SYNDIG1L: variants seen among roughly 807,000 people sequenced by gnomAD.
The protein encoded by SYNDIG1L is synapse differentiation inducing 1 like.
A neutral mutation model predicts 20.1 loss-of-function variants in SYNDIG1L; 13 were observed. That is an observed-to-expected ratio of 0.65 (90% CI 0.42 to 1.03). SYNDIG1L has a LOEUF of 1.03. Among genes scored for constraint, SYNDIG1L ranks in the 50% least tolerant of loss-of-function variants. SYNDIG1L has a pLI of 0.00. For synonymous variants in SYNDIG1L, 128 were observed against 129.3 expected, an observed-to-expected ratio of 0.99 and a Z score of 0.07; for missense variants, 294 against 305.1, an observed-to-expected ratio of 0.96 and a Z score of 0.27.
chr14:74,441,904 C>G, the SYNDIG1L span, among the ~76,000 whole-genome samples: 4 of 152,002 alleles, frequency 2.6e-5, no homozygotes, highest in East Asian at 7.7e-4. Flanking sequence ...AACTGGTGTC[C>G]TTAGAAAGCT....
intron 1 of SYNDIG1L, among the ~76,000 whole-genome samples, chr14:74,424,288 C>T (rs1489750938): frequency 2.0e-5 from 3 of 152,328 alleles, no homozygotes; most frequent in East Asian, 1.9e-4. Flanking sequence ...AATGGACCTG[C>T]CTGAGACAGC....
chr14:74,447,859 T>C, the SYNDIG1L span, among the ~76,000 whole-genome samples: 3 of 152,238 alleles, frequency 2.0e-5, no homozygotes, highest in East Asian at 1.9e-4. Context: ...ATGACAACAA[T>C]AGCATAAAGG....
the SYNDIG1L span, among the ~76,000 whole-genome samples, chr14:74,437,803 T>C: frequency 1.6e-4 from 25 of 152,252 alleles, no homozygotes; most frequent in Admixed American, 2.6e-4. Context: ...AAAAGCTGAG[T>C]CCAAGATGTC....
chr14:74,475,278 G>A, the SYNDIG1L span, among the ~76,000 whole-genome samples: 4 of 151,266 alleles, frequency 2.6e-5, no homozygotes, highest in Admixed American at 6.6e-5. Context: ...ACTGCACTGA[G>A]CACTTTGCAT....
rs999985588 is a variant in SYNDIG1L at position 74,408,072 on chromosome 14, G to T, written c.418-83C>A. The T allele has an allele frequency of 1.2e-5, 18 of 1,474,216 alleles. No homozygotes were observed. The African/African-American group carries it at 2.3e-4, about 19-fold the overall frequency. 91.3% of individuals were successfully genotyped at this position (1,474,216 alleles called of 1,614,324 possible). A position where few individuals can be genotyped will look rare whatever the true frequency, so the allele number is the denominator to read the frequency against. The stretch of plus-strand genomic sequence containing the variant: ...GGCAAGAGGTTTTTTAAAAGGCAAT[G>T]CCCAGTGGCCAGTGACATGGAGCAA... On this transcript the variant is annotated intron_variant, in intron 2 of 3. Coordinates refer to ENST00000331628, the MANE Select transcript of SYNDIG1L (RefSeq NM_001105579.2).
At chr14:74,464,219 CA>C in the SYNDIG1L span, among the ~76,000 whole-genome samples, 3 of 152,062 alleles carry the variant, frequency 2.0e-5, no homozygotes, top group Non-Finnish European at 4.4e-5. Flanking sequence ...GTGGCACAAT[CA>C]GGGGGAATAA....
At chr14:74,475,688 A>C in the SYNDIG1L span, among the ~76,000 whole-genome samples, 34,329 of 151,670 alleles carry the variant, frequency 0.23, 4,334 homozygotes, top group African/African-American at 0.33. Flanking sequence ...CAGCATCACA[A>C]ATCTCAGAAT....
intron 2 of SYNDIG1L, 41 bp from the exon 3 acceptor site, chr14:74,408,030 C>G (rs762431417): frequency 1.3e-6 from 2 of 1,557,872 alleles, no homozygotes; most frequent in Non-Finnish European, 1.7e-6. Context: ...CCAGGATCAG[C>G]CCAGCCCCAT....
chr14:74,449,403 A>T, the SYNDIG1L span, among the ~76,000 whole-genome samples: 2 of 140,816 alleles, frequency 1.4e-5, no homozygotes, highest in Non-Finnish European at 3.1e-5. Context: ...GGAGTTCAAG[A>T]CCAGCCTAGA....
chr14:74,434,665 G>C, the SYNDIG1L span, among the ~76,000 whole-genome samples: 2 of 152,028 alleles, frequency 1.3e-5, no homozygotes, highest in African/African-American at 4.8e-5. Context: ...ATATGAGAGA[G>C]AGAGAGAGAG....
At chr14:74,449,662 AGCAAAGAATAAAAAGTTT>A in the SYNDIG1L span, among the ~76,000 whole-genome samples, 11 of 151,764 alleles carry the variant, frequency 7.2e-5, 1 homozygote, top group South Asian at 2.3e-3. Context: ...AAAGAAAGAA[AGCAAAGAATAAAAAGTTT>A]GTGGAATGCC....
the SYNDIG1L span, among the ~76,000 whole-genome samples, chr14:74,447,697 TA>T: frequency 6.6e-6 from 1 of 152,032 alleles, no homozygotes; most frequent in Admixed American, 6.5e-5. Flanking sequence ...GCTGGCAAAT[TA>T]AAGTCAGGAA....
chr14:74,477,430 T>C, the SYNDIG1L span, among the ~76,000 whole-genome samples: 1 of 152,138 alleles, frequency 6.6e-6, no homozygotes, highest in Non-Finnish European at 1.5e-5. Context: ...TTCCTATGTC[T>C]GGAGGGTGTT....
At chr14:74,446,584 G>T in the SYNDIG1L span, among the ~76,000 whole-genome samples, 3 of 147,738 alleles carry the variant, frequency 2.0e-5, no homozygotes, top group African/African-American at 7.4e-5. Context: ...TCTCAAACTA[G>T]ATTAAAAAAC....
upstream of SYNDIG1L, among the ~76,000 whole-genome samples, chr14:74,430,074 C>T (rs1231779483): frequency 1.3e-5 from 2 of 152,190 alleles, no homozygotes; most frequent in Non-Finnish European, 2.9e-5. Flanking sequence ...CCGCCCGATT[C>T]CCTGCTTTCC....
chr14:74,422,836 C>T (rs780277132), intron 1 of SYNDIG1L, among the ~76,000 whole-genome samples: 2 of 151,828 alleles, frequency 1.3e-5, no homozygotes, highest in African/African-American at 2.4e-5. Flanking sequence ...CTCAGCCTCC[C>T]GAGTAGCTGA....
the SYNDIG1L span, among the ~76,000 whole-genome samples, chr14:74,467,289 G>A: frequency 1.3e-5 from 2 of 152,082 alleles, no homozygotes; most frequent in African/African-American, 2.4e-5. Context: ...TCAGAAGCTT[G>A]AGTGTCGCCC....
upstream of SYNDIG1L, among the ~76,000 whole-genome samples, chr14:74,426,687 T>C (rs995175747): frequency 8.5e-4 from 130 of 152,084 alleles, no homozygotes; most frequent in East Asian, 7.8e-4. Flanking sequence ...TTAGGCAATA[T>C]AGTGCCCCTC....
At chr14:74,443,435 C>T in the SYNDIG1L span, among the ~76,000 whole-genome samples, 2 of 152,054 alleles carry the variant, frequency 1.3e-5, no homozygotes, top group African/African-American at 4.8e-5. Context: ...GAAGCCAAGG[C>T]CGAGGATTCA....
Sources: gnomAD v4.1 joint callset for allele counts (sites outside exome capture counted in the v4.1 genomes callset) on GRCh38, gnomAD v4.1.1 for gene constraint, MANE v1.5 for transcripts, NCBI Gene and HGNC (gene_info 2026-07-23, HGNC 2026-07-21) for gene names.